USP8: variants seen among roughly 807,000 people sequenced by gnomAD.
USP8 encodes ubiquitin carboxyl-terminal hydrolase 8.
In USP8, 27 loss-of-function variants were observed where a neutral mutation model predicts 130.0. That is an observed-to-expected ratio of 0.21 (90% CI 0.15 to 0.29). The LOEUF (loss-of-function observed/expected upper bound fraction) is 0.29. Among genes scored for constraint, USP8 ranks in the 10% least tolerant of loss-of-function variants. The pLI is 1.00. For synonymous variants in USP8, 392 were observed against 444.1 expected (o/e 0.88, Z 1.48); for missense variants, 1,029 against 1,312.2 (o/e 0.78, Z 3.33).
At chr15:50,462,355 G>A in intron 6 of USP8, 33 bp downstream of exon 6, 1 of 1,564,528 alleles carries the variant, frequency 6.4e-7, no homozygotes, top group Non-Finnish European at 8.6e-7. Context: ...AGTTGTTTTA[G>A]GTTCTGACTG....
intron 8 of USP8, among the ~76,000 whole-genome samples, chr15:50,475,225 ACT>A (rs939672479): frequency 1.3e-5 from 2 of 152,198 alleles, no homozygotes; most frequent in African/African-American, 4.8e-5. Flanking sequence ...GAGTACATTC[ACT>A]GTTTACTAAA....
At chr15:50,455,253 T>C (rs1022955823) in intron 4 of USP8, among the ~76,000 whole-genome samples, 1 of 150,914 alleles carries the variant, frequency 6.6e-6, no homozygotes. Flanking sequence ...TTTTTTTGTG[T>C]TTTTTTGTAG....
At chr15:50,473,169 G>T (rs1421656464) in intron 8 of USP8, among the ~76,000 whole-genome samples, 1 of 152,122 alleles carries the variant, frequency 6.6e-6, no homozygotes, top group African/African-American at 2.4e-5. Flanking sequence ...CACTGATCAA[G>T]TTAACAAAGG....
At position 50,505,763 on chromosome 15, in the gene USP8, A is replaced by G; in HGVS notation, c.*6675A>G. ...CGTTTGAGCCCAGGAGTTTGAGACC[A>G]GCCTGGGCAACATAGTGAGACCTGG... On this transcript the variant is annotated 3_prime_UTR_variant, in exon 20 of 20. Transcript: ENST00000307179. The G allele has an allele frequency of 6.6e-6, 1 of 152,486 alleles. No individual in the cohort carries two copies. The highest frequency in any genetic ancestry group is 2.1e-4 in the South Asian group (1 of 4,834). The allele number at this position is 152,486 out of a possible 1,614,324, so 9.4% of individuals were successfully genotyped here. A position where few individuals can be genotyped will look rare whatever the true frequency, so the allele number is the denominator to read the frequency against.
chr15:50,481,931 A>G lies in USP8; in HGVS notation c.1669A>G (p.Ser557Gly), dbSNP rs759491390. The change falls in exon 11 of 20, where the codon AGT becomes GGT. Residue 557 changes from serine to glycine, a missense_variant. Physicochemically the swap from Ser to Gly is moderately conservative, Grantham distance 56. This residue lies in a region of USP8 where 486 missense variants were observed against 522.0 expected (regional missense o/e 0.93). Coordinates refer to ENST00000307179, the MANE Select transcript of USP8 (RefSeq NM_005154.5). ...AACAGGAGTAAAAAGACAAAGTAAA[A>G]GTGAACATGAAACTTCTGATGCCAA... is the stretch of plus-strand genomic sequence containing the variant. Reference protein sequence around the residue: ...EITGVKRQSKSEHETSDAKKS... With the variant: ...EITGVKRQSKGEHETSDAKKS... 2 of 1,608,478 alleles carry G rather than the reference A, an allele frequency of 1.2e-6. No homozygotes were observed. The highest frequency in any genetic ancestry group is 2.2e-5 in the East Asian group (1 of 44,738).
At chr15:50,479,167 A>G (rs2051675764) in intron 10 of USP8, among the ~76,000 whole-genome samples, 1 of 152,230 alleles carries the variant, frequency 6.6e-6, no homozygotes, top group South Asian at 2.1e-4. Context: ...ATAAGGCAGA[A>G]TATCATAATT....
chr15:50,437,004 T>C (rs992659564), intron 1 of USP8, among the ~76,000 whole-genome samples: 9 of 151,836 alleles, frequency 5.9e-5, no homozygotes, highest in Non-Finnish European at 1.2e-4. Context: ...TAAATCAATA[T>C]GTTTTTTTAA....
chr15:50,495,802 TTTTC>T (rs1238996458), intron 16 of USP8, 42 bp from the exon 17 acceptor site: 1 of 1,439,158 alleles, frequency 6.9e-7, no homozygotes, highest in South Asian at 1.3e-5. Context: ...AATTTAAATG[TTTTC>T]TTTGAGATAT....
intron 3 of USP8, among the ~76,000 whole-genome samples, chr15:50,446,000 A>G (rs550667608): frequency 1.2e-3 from 179 of 152,332 alleles, no homozygotes; most frequent in Admixed American, 2.1e-3. Context: ...AAAGTGGGGA[A>G]AGAAAATGTA....
chr15:50,444,336 C>G (rs1426778217), intron 3 of USP8, among the ~76,000 whole-genome samples: 1 of 150,264 alleles, frequency 6.7e-6, no homozygotes, highest in Non-Finnish European at 1.5e-5. Context: ...AACTCCTGAC[C>G]CTCGGTGATC....
At chr15:50,453,675 G>C (rs953741531) in intron 4 of USP8, among the ~76,000 whole-genome samples, 2 of 152,012 alleles carry the variant, frequency 1.3e-5, no homozygotes, top group Non-Finnish European at 2.9e-5. Flanking sequence ...CTGTGGGATG[G>C]GGGTTCAAGT....
chr15:50,469,818 A>G (rs560309538), intron 7 of USP8, among the ~76,000 whole-genome samples: 3 of 151,324 alleles, frequency 2.0e-5, no homozygotes, highest in Admixed American at 6.6e-5. Flanking sequence ...CACTCATTCA[A>G]TTATTAAATC....
chr15:50,454,973 C>G lies in USP8; in HGVS notation c.336-4027C>G, dbSNP rs144430833. Among the ~76,000 whole-genome samples the G allele has an allele frequency of 7.2e-5, 11 of 151,818 alleles. 1 individual carries two copies. In the East Asian group the frequency reaches 2.2e-3, roughly 30 times the overall value. ...TATTTTTTATAGAGATGGGGTCTTT[C>G]TGTGTTGCCCAGGATGGTTCTCCCT... On this transcript the variant is annotated intron_variant, in intron 4 of 19. Coordinates refer to ENST00000307179, the MANE Select transcript of USP8 (RefSeq NM_005154.5).
In USP8 at chr15:50,503,775, A is replaced by G. The variant is rs769148233; in HGVS notation, c.*4687A>G. On this transcript the variant is annotated 3_prime_UTR_variant, in exon 20 of 20. Transcript: ENST00000307179. ...AGAATTTCTAGATTGTTGCATGTTA[A>G]CTCAGACCTAACAGGATATCCACAT... 2.6e-5 allele frequency: 4 copies of G among 152,216 alleles called. No individual in the cohort carries two copies. Among genetic ancestry groups the G allele is most frequent in the Non-Finnish European group, 4.4e-5 (3 of 68,038 alleles). The allele number at this position is 152,216 out of a possible 1,614,324, so 9.4% of individuals were successfully genotyped here. A position where few individuals can be genotyped will look rare whatever the true frequency, so the allele number is the denominator to read the frequency against.
intron 8 of USP8, 107 bp downstream of exon 8, chr15:50,471,902 CTTT>C (rs57729947): frequency 3.2e-3 from 2,777 of 875,426 alleles, no homozygotes; most frequent in Admixed American, 3.8e-3. Flanking sequence ...TTCATCATGC[CTTT>C]TTTTTTTTTT....
intron 12 of USP8, 168 bp from the exon 13 acceptor site, chr15:50,489,633 T>C: frequency 2.7e-6 from 1 of 364,940 alleles, no homozygotes; most frequent in Non-Finnish European, 4.9e-6. Flanking sequence ...GAGAAAAAGA[T>C]AATTTTTTTC....
intron 1 of USP8, among the ~76,000 whole-genome samples, chr15:50,438,413 G>A (rs990589683): frequency 1.3e-5 from 2 of 152,120 alleles, no homozygotes; most frequent in African/African-American, 4.8e-5. Context: ...ACGAAACCCC[G>A]TATCTACTGA....
At position 50,452,477 on chromosome 15, in the gene USP8, A is replaced by AC. The variant is rs2050656659; in HGVS notation, c.335+2992_335+2993insC. On this transcript the variant is annotated intron_variant, in intron 4 of 19. Coordinates refer to ENST00000307179, the MANE Select transcript of USP8 (RefSeq NM_005154.5). ...CCAAGGTAGGGGGTAAGGTGTGGATAAGAGAAGAAAATAGGAAAAAAGAGA... is the reference window on the plus strand; with the variant it reads ...CCAAGGTAGGGGGTAAGGTGTGGATACAGAGAAGAAAATAGGAAAAAAGAGA... 2.0e-5 allele frequency among the ~76,000 whole-genome samples: 3 copies of AC among 152,330 alleles called. No homozygotes were observed. The South Asian group carries it at 6.2e-4, about 32-fold the overall frequency.
At chr15:50,430,658 A>G (rs181071524) in intron 1 of USP8, among the ~76,000 whole-genome samples, 284 of 152,230 alleles carry the variant, frequency 1.9e-3, no homozygotes, top group Middle Eastern at 3.4e-3. Flanking sequence ...TTTGGTGTCA[A>G]TACTTAATTA....
Sources: gnomAD v4.1 joint callset for allele counts (sites outside exome capture counted in the v4.1 genomes callset) on GRCh38, gnomAD v4.1.1 for gene constraint, gnomAD v4.1.1 regional missense constraint, MANE v1.5 for transcripts, NCBI Gene and HGNC (gene_info 2026-07-23, HGNC 2026-07-21) for gene names.